Variants in KDM1A observed in about 807,000 individuals in gnomAD.
The protein encoded by KDM1A is lysine demethylase 1A.
KDM1A carries 49 observed loss-of-function variants against 109.4 expected under a neutral mutation model. That is an observed-to-expected ratio of 0.45 (90% CI 0.36 to 0.57). KDM1A has a LOEUF of 0.57. Ranked by LOEUF, KDM1A falls within the 20% of genes least tolerant of loss-of-function variation. The pLI, the probability that KDM1A is intolerant of heterozygous loss-of-function variation, is 0.00. For synonymous variants in KDM1A, 380 were observed against 415.4 expected, an observed-to-expected ratio of 0.91 and a Z score of 1.04; for missense variants, 668 against 1,116.6, an observed-to-expected ratio of 0.60 and a Z score of 5.73.
chr1:23,065,976 T>G lies in KDM1A; in HGVS notation c.1168-84T>G, dbSNP rs374919745. The G allele has an allele frequency of 3.8e-6, 6 of 1,572,374 alleles. No homozygotes were observed. The African/African-American group carries it at 8.2e-5, about 22-fold the overall frequency. On this transcript the variant is annotated intron_variant, in intron 9 of 20. Transcript: ENST00000400181. The stretch of plus-strand genomic sequence containing the variant: ...CTATGTGTTTAAAGCCTTGATTTTA[T>G]TGCTGTCATACAAAACTAAACTTGA...
intron 9 of KDM1A, among the ~76,000 whole-genome samples, chr1:23,061,299 C>T (rs536741946): frequency 6.2e-4 from 95 of 152,034 alleles, no homozygotes; most frequent in African/African-American, 2.2e-3. Context: ...GAAAGTGGTG[C>T]GTTGATTTAT....
intron 18 of KDM1A, among the ~76,000 whole-genome samples, chr1:23,080,271 G>C (rs1311335715): frequency 6.6e-6 from 1 of 152,082 alleles, no homozygotes; most frequent in Non-Finnish European, 1.5e-5. Context: ...ACACCCCAGA[G>C]CCTCTAACTT....
intron 10 of KDM1A, 108 bp from the exon 11 acceptor site, chr1:23,068,431 C>A: frequency 1.2e-6 from 1 of 869,346 alleles, no homozygotes; most frequent in East Asian, 2.9e-5. Context: ...AAGGTTTCCC[C>A]TTTGAGATAC....
chr1:23,072,368 C>G (rs1040766829), intron 14 of KDM1A, among the ~76,000 whole-genome samples, 171 bp downstream of exon 14: 1 of 152,114 alleles, frequency 6.6e-6, no homozygotes, highest in Non-Finnish European at 1.5e-5. Flanking sequence ...ATCCCCTGCT[C>G]CTGTATTTTA....
At chr1:23,034,534 T>C (rs1011866057) in intron 2 of KDM1A, among the ~76,000 whole-genome samples, 1 of 152,254 alleles carries the variant, frequency 6.6e-6, no homozygotes, top group African/African-American at 2.4e-5. Context: ...CTGTGTACCT[T>C]ACATTATTTT....
chr1:23,071,175 A>G (rs745800199), intron 12 of KDM1A, 50 bp from the exon 13 acceptor site: 2 of 1,510,932 alleles, frequency 1.3e-6, no homozygotes, highest in Non-Finnish European at 1.8e-6. Flanking sequence ...TGATGTAGAC[A>G]TAAACTACAT....
chr1:23,025,996 C>G (rs1641787445), intron 1 of KDM1A, among the ~76,000 whole-genome samples: 1 of 152,102 alleles, frequency 6.6e-6, no homozygotes, highest in Non-Finnish European at 1.5e-5. Context: ...GAGGCTGAGG[C>G]AGGGGAATCA....
chr1:23,044,986 G>A lies in KDM1A; in HGVS notation c.577+500G>A, dbSNP rs112560850. Among the ~76,000 whole-genome samples, 263 of 152,288 alleles carry A rather than the reference G, an allele frequency of 1.7e-3. 3 individuals carry two copies. Among genetic ancestry groups the A allele is most frequent in the African/African-American group, 5.9e-3 (247 of 41,554 alleles). The stretch of plus-strand genomic sequence containing the variant: ...ACCTTTTTTCAGTTAACATTACGTA[G>A]TTAATCATTCTTCAGTTTAAACATT... On this transcript the variant is annotated intron_variant, in intron 3 of 20. Transcript: ENST00000400181.
intron 3 of KDM1A, among the ~76,000 whole-genome samples, chr1:23,049,449 T>A (rs1642598276): frequency 6.6e-6 from 1 of 151,966 alleles, no homozygotes; most frequent in Non-Finnish European, 1.5e-5. Flanking sequence ...TTTGGGAGGT[T>A]GAGGCAGGTG....
intron 9 of KDM1A, among the ~76,000 whole-genome samples, chr1:23,060,884 T>G (rs1490672046): frequency 1.3e-5 from 2 of 151,828 alleles, no homozygotes; most frequent in Non-Finnish European, 2.9e-5. Flanking sequence ...AGAATTGAGG[T>G]GAGGGGAGGG....
At chr1:23,039,901 T>C (rs1210761989) in intron 2 of KDM1A, among the ~76,000 whole-genome samples, 3 of 152,256 alleles carry the variant, frequency 2.0e-5, no homozygotes, top group Non-Finnish European at 2.9e-5. Flanking sequence ...CTTTTGTATT[T>C]GTGCTTTGCA....
intron 2 of KDM1A, among the ~76,000 whole-genome samples, chr1:23,037,963 TAGA>T (rs1402697514): frequency 6.6e-6 from 1 of 152,220 alleles, no homozygotes; most frequent in Non-Finnish European, 1.5e-5. Context: ...CATGTTGTAA[TAGA>T]AGAACAAGAT....
chr1:23,073,969 C>A (rs931438018), intron 15 of KDM1A, among the ~76,000 whole-genome samples: 1 of 152,172 alleles, frequency 6.6e-6, no homozygotes, highest in African/African-American at 2.4e-5. Context: ...ATGTTCATGT[C>A]TTTCTCTTGA....
intron 4 of KDM1A, among the ~76,000 whole-genome samples, chr1:23,051,052 T>C (rs1642654567): frequency 6.6e-6 from 1 of 152,086 alleles, no homozygotes; most frequent in Non-Finnish European, 1.5e-5. Flanking sequence ...GCCACTGCAC[T>C]CCATCCAGCC....
chr1:23,059,240 G>T, intron 9 of KDM1A, 73 bp downstream of exon 9: 2 of 1,036,894 alleles, frequency 1.9e-6, no homozygotes, highest in Non-Finnish European at 1.5e-6. Context: ...GAATGGTATG[G>T]ATGAGCATAT....
intron 2 of KDM1A, among the ~76,000 whole-genome samples, chr1:23,031,783 A>G (rs1168383293): frequency 1.3e-5 from 2 of 152,188 alleles, no homozygotes; most frequent in Non-Finnish European, 2.9e-5. Context: ...ACATTCAGAA[A>G]AAGATTCTGG....
intron 18 of KDM1A, chr1:23,080,891 A>C (rs1309469203): frequency 6.6e-6 from 1 of 152,330 alleles, no homozygotes; most frequent in Non-Finnish European, 1.5e-5. Flanking sequence ...TAAGTTAATA[A>C]TTGTCTGTGT....
chr1:23,082,025 G>C, intron 19 of KDM1A, 195 bp from the exon 20 acceptor site: 1 of 547,902 alleles, frequency 1.8e-6, no homozygotes, highest in South Asian at 2.6e-5. Context: ...CAACATGGAG[G>C]GGCATCCTTC....
intron 15 of KDM1A, among the ~76,000 whole-genome samples, chr1:23,076,000 T>G (rs896144246): frequency 3.3e-5 from 5 of 152,224 alleles, no homozygotes; most frequent in African/African-American, 1.2e-4. Flanking sequence ...CTGATAGTTT[T>G]AGTATTTGAA....
Sources: gnomAD v4.1 joint callset for allele counts (sites outside exome capture counted in the v4.1 genomes callset) on GRCh38, gnomAD v4.1.1 for gene constraint, MANE v1.5 for transcripts, NCBI Gene and HGNC (gene_info 2026-07-23, HGNC 2026-07-21) for gene names.